Variants in PPIB observed in about 807,000 individuals in gnomAD.
PPIB encodes peptidyl-prolyl cis-trans isomerase B.
PPIB carries 15 observed loss-of-function variants against 20.1 expected under a neutral mutation model. The ratio of observed to expected loss-of-function variants is 0.75; its 90% CI spans 0.50 to 1.15. The LOEUF is 1.15. Ranked by LOEUF, PPIB falls within the 50% of genes most tolerant of loss-of-function variation. The pLI is 0.00. For missense variants in PPIB, 278 were observed against 283.0 expected (o/e 0.98, Z 0.13); for synonymous variants, 129 against 111.0 (o/e 1.16, Z -1.02).
rs1310226331 is a variant in PPIB, at chr15:64,156,989, C to T, written c.344-80G>A. 16 of 1,433,212 alleles carry T rather than the reference C, an allele frequency of 1.1e-5. No homozygotes were observed. The highest frequency in any genetic ancestry group is 1.6e-5 in the Non-Finnish European group (16 of 1,031,458). The allele number at this position is 1,433,212 out of a possible 1,614,324, so 88.8% of individuals were successfully genotyped here. A position where few individuals can be genotyped will look rare whatever the true frequency, so the allele number is the denominator to read the frequency against. ...ACATTCGGGGCCAGGACTGAGGGGG[C>T]TTAACCTGTCCTCTGTGCCAGGCTA... On this transcript the variant is annotated intron_variant, in intron 3 of 4. Transcript: ENST00000300026. This position sits in a 1 kb window ranked among gnomAD's most constrained non-coding sequence, Gnocchi z 6.4.
chr15:64,159,095 T>C lies in PPIB; in HGVS notation c.343+1009A>G, dbSNP rs552135502. On this transcript the variant is annotated intron_variant, in intron 3 of 4. Transcript: ENST00000300026. The surrounding 1 kb of genome is among the most constrained non-coding windows in gnomAD (Gnocchi z 5.1). ...CACAAATACAGTTCTTTGGTCTCCTTTGTGAGCCTGAGTCCTAAACGCTGC... is the reference window on the plus strand; with the variant it reads ...CACAAATACAGTTCTTTGGTCTCCTCTGTGAGCCTGAGTCCTAAACGCTGC... Among the ~76,000 whole-genome samples, 44 of 152,338 alleles carry C rather than the reference T, an allele frequency of 2.9e-4. No individual in the cohort carries two copies. Among genetic ancestry groups the C allele is most frequent in the Middle Eastern group, 3.4e-3 (1 of 294 alleles).
chr15:64,155,901 G>C lies in PPIB; in HGVS notation c.*122C>G. 6.9e-7 allele frequency: 1 copy of C among 1,455,726 alleles called. No homozygotes were observed. The highest frequency in any genetic ancestry group is 1.1e-5 in the South Asian group (1 of 87,548). 90.2% of individuals were successfully genotyped at this position (1,455,726 alleles called of 1,614,324 possible). ...ACAAAAGTGAGTCCATGGGCCTGTG[G>C]AATGTGAGGGGAGTGGGTCCGCTCC... On this transcript the variant is annotated 3_prime_UTR_variant, in exon 5 of 5. Transcript: ENST00000300026.
In PPIB at chr15:64,155,971, C is replaced by A; in HGVS notation, c.*52G>T. 6.2e-7 allele frequency: 1 copy of A among 1,612,928 alleles called. No individual in the cohort carries two copies. The highest frequency in any genetic ancestry group is 2.2e-5 in the East Asian group (1 of 44,876). On this transcript the variant is annotated 3_prime_UTR_variant, in exon 5 of 5. Coordinates refer to ENST00000300026, the MANE Select transcript of PPIB (RefSeq NM_000942.5). ...GCCAGTGCAGCTCAGAGCCCTGTGG[C>A]GGACTACAGGGCCTGCACAGACGGT...
chr15:64,156,659 C>T lies in PPIB; in HGVS notation c.528+66G>A. 2 of 1,587,866 alleles carry T rather than the reference C, an allele frequency of 1.3e-6. No homozygotes were observed. Among genetic ancestry groups the T allele is most frequent in the Middle Eastern group, 1.7e-4 (1 of 6,004 alleles). On this transcript the variant is annotated intron_variant, in intron 4 of 4. Transcript: ENST00000300026. The surrounding 1 kb of genome is among the most constrained non-coding windows in gnomAD (Gnocchi z 6.4). ...AAGGGATGGACACATGGAGCTCCTG[C>T]CCTGGGGTCTGTGTTGAATCCCCGG...
rs2081549338 is a variant in PPIB, at chr15:64,158,823, C to G, written c.343+1281G>C. Among the ~76,000 whole-genome samples, 1 of 152,256 alleles carries G rather than the reference C, an allele frequency of 6.6e-6. No homozygotes were observed. The highest frequency in any genetic ancestry group is 2.4e-5 in the African/African-American group (1 of 41,472). ...AAATCTTTCCTCACATCCGCAAGGT[C>G]ATTCCCCCGTTCCCTGGCCTGAGGG... is the stretch of plus-strand genomic sequence containing the variant. On this transcript the variant is annotated intron_variant, in intron 3 of 4. Transcript: ENST00000300026. This position sits in a 1 kb window ranked among gnomAD's most constrained non-coding sequence, Gnocchi z 4.7.
Position 64,156,684 on chromosome 15 carries a change from G to A in PPIB, c.528+41C>T, listed in dbSNP as rs776044392. 3 of 1,609,754 alleles carry A rather than the reference G, an allele frequency of 1.9e-6. No homozygotes were observed. The highest frequency in any genetic ancestry group is 2.2e-5 in the South Asian group (2 of 90,990). On this transcript the variant is annotated intron_variant, in intron 4 of 4. Transcript: ENST00000300026. This position sits in a 1 kb window ranked among gnomAD's most constrained non-coding sequence, Gnocchi z 6.4. ...CCCTGGGGTCTGTGTTGAATCCCCG[G>A]TGAGGATTGCCCAGTAGTAGCCCTT...
chr15:64,162,184 T>C (rs1282984715), intron 1 of PPIB, 30 bp from the exon 2 acceptor site: 1 of 1,538,608 alleles, frequency 6.5e-7, no homozygotes, highest in Admixed American at 1.7e-5. Flanking sequence ...CCAACTTAGC[T>C]TCTTTAAAGG....
Position 64,158,031 on chromosome 15 carries a change from T to A in PPIB, c.344-1122A>T, listed in dbSNP as rs1389864453. On this transcript the variant is annotated intron_variant, in intron 3 of 4. Transcript: ENST00000300026. This position sits in a 1 kb window ranked among gnomAD's most constrained non-coding sequence, Gnocchi z 4.7. Reference sequence around the variant, plus strand: ...TGTGGGATTTTGATTATAGTTGTTATCCAGAAAACCCCCAAATCTCCATCC... The same window carrying A: ...TGTGGGATTTTGATTATAGTTGTTAACCAGAAAACCCCCAAATCTCCATCC... 2.0e-5 allele frequency among the ~76,000 whole-genome samples: 3 copies of A among 152,186 alleles called. No homozygotes were observed. The highest frequency in any genetic ancestry group is 2.0e-4 in the Admixed American group (3 of 15,282).
In PPIB at chr15:64,162,205, G is replaced by C. The variant is rs28720180; in HGVS notation, c.136-51C>G. 3 of 1,338,458 alleles carry C rather than the reference G, an allele frequency of 2.2e-6. No individual in the cohort carries two copies. In the African/African-American group the frequency reaches 4.3e-5, roughly 19 times the overall value. The allele number at this position is 1,338,458 out of a possible 1,614,324, so 82.9% of individuals were successfully genotyped here. A position where few individuals can be genotyped will look rare whatever the true frequency, so the allele number is the denominator to read the frequency against. On this transcript the variant is annotated intron_variant, in intron 1 of 4. Transcript: ENST00000300026. ...TAGCTTCTTTAAAGGGGCGTTGCTA[G>C]GGGAGGGAAGGTACAAGAAGCTAAC...
At position 64,160,472 on chromosome 15, in the gene PPIB, CA is replaced by C. The variant is rs2081559088; in HGVS notation, c.250-276del. 6.6e-6 allele frequency among the ~76,000 whole-genome samples: 1 copy of C among 152,124 alleles called. No homozygotes were observed. On this transcript the variant is annotated intron_variant, in intron 2 of 4. Transcript: ENST00000300026. The surrounding 1 kb of genome is among the most constrained non-coding windows in gnomAD (Gnocchi z 4.8). ...TGCTTTTCCCCTCATTTCTTCCAATCATAAGAACAGATACAAGAAAACTGAG... is the reference window on the plus strand; with the variant it reads ...TGCTTTTCCCCTCATTTCTTCCAATCTAAGAACAGATACAAGAAAACTGAG...
chr15:64,155,892 G>GGGCCTGT lies in PPIB; in HGVS notation c.*124_*130dup. 7.3e-7 allele frequency: 1 copy of GGGCCTGT among 1,371,842 alleles called. No individual in the cohort carries two copies. Among genetic ancestry groups the GGGCCTGT allele is most frequent in the Non-Finnish European group, 1.0e-6 (1 of 971,006 alleles). The allele number at this position is 1,371,842 out of a possible 1,614,324, so 85.0% of individuals were successfully genotyped here. A position where few individuals can be genotyped will look rare whatever the true frequency, so the allele number is the denominator to read the frequency against. On this transcript the variant is annotated 3_prime_UTR_variant, in exon 5 of 5. Coordinates refer to ENST00000300026, the MANE Select transcript of PPIB (RefSeq NM_000942.5). The stretch of plus-strand genomic sequence containing the variant: ...GAGTTTGTTACAAAAGTGAGTCCAT[G>GGGCCTGT]GGCCTGTGGAATGTGAGGGGAGTGG...
In PPIB at chr15:64,162,098, G is replaced by T; in HGVS notation, c.192C>A (p.Leu64=). The change falls in exon 2 of 5, where the codon CTC becomes CTA. Residue 64 remains leucine, a synonymous_variant. Coordinates refer to ENST00000300026, the MANE Select transcript of PPIB (RefSeq NM_000942.5). ...DEDVGRVIFG[L]FGKTVPKTVD... Reference sequence around the variant, plus strand: ...CTGTTTTTGGAACAGTCTTTCCGAAGAGACCAAAGATCACCCGGCCTACAT... The same window carrying T: ...CTGTTTTTGGAACAGTCTTTCCGAATAGACCAAAGATCACCCGGCCTACAT... 6.2e-7 allele frequency: 1 copy of T among 1,614,172 alleles called. No homozygotes were observed. Among genetic ancestry groups the T allele is most frequent in the Non-Finnish European group, 8.5e-7 (1 of 1,180,018 alleles).
At position 64,156,457 on chromosome 15, in the gene PPIB, G is replaced by A; in HGVS notation, c.528+268C>T. On this transcript the variant is annotated intron_variant, in intron 4 of 4. Transcript: ENST00000300026. This position sits in a 1 kb window ranked among gnomAD's most constrained non-coding sequence, Gnocchi z 6.4. ...TTCAGCTGCACTCTGTATACCTCAG[G>A]GGTGGGACCAGCACGTCACTGAGTG... 1.6e-6 allele frequency: 1 copy of A among 617,612 alleles called. No individual in the cohort carries two copies. The allele number at this position is 617,612 out of a possible 1,614,324, so 38.3% of individuals were successfully genotyped here.
Position 64,162,028 on chromosome 15 carries a change from T to G in PPIB, c.249+13A>C, listed in dbSNP as rs1299827729. On this transcript the variant is annotated intron_variant, in intron 2 of 4. Transcript: ENST00000300026. ...CTTCATGTGAGTTGACTACCCCTGC[T>G]CCAGCCACTTACCTCTCCTGTAGCT... 2 of 1,587,562 alleles carry G rather than the reference T, an allele frequency of 1.3e-6. No individual in the cohort carries two copies. The highest frequency in any genetic ancestry group is 2.7e-5 in the African/African-American group (2 of 74,408).
Position 64,156,457 on chromosome 15 carries a change from G to T in PPIB, c.528+268C>A. The T allele has an allele frequency of 1.6e-6, 1 of 617,610 alleles. No individual in the cohort carries two copies. The highest frequency in any genetic ancestry group is 2.7e-5 in the Admixed American group (1 of 37,174). 38.3% of individuals were successfully genotyped at this position (617,610 alleles called of 1,614,324 possible). On this transcript the variant is annotated intron_variant, in intron 4 of 4. Coordinates refer to ENST00000300026, the MANE Select transcript of PPIB (RefSeq NM_000942.5). The surrounding 1 kb of genome is among the most constrained non-coding windows in gnomAD (Gnocchi z 6.4). The stretch of plus-strand genomic sequence containing the variant: ...TTCAGCTGCACTCTGTATACCTCAG[G>T]GGTGGGACCAGCACGTCACTGAGTG...
Position 64,158,106 on chromosome 15 carries a change from CATT to C in PPIB, c.344-1200_344-1198del, listed in dbSNP as rs1379769371. On this transcript the variant is annotated intron_variant, in intron 3 of 4. Transcript: ENST00000300026. This position sits in a 1 kb window ranked among gnomAD's most constrained non-coding sequence, Gnocchi z 4.7. ...TACAGGGGTTCCAAACTCAAATGGA[CATT>C]TCTATTTAAACTCAACATACCTTGT... 6.6e-6 allele frequency among the ~76,000 whole-genome samples: 1 copy of C among 152,220 alleles called. No homozygotes were observed. The highest frequency in any genetic ancestry group is 1.5e-5 in the Non-Finnish European group (1 of 68,030).
Position 64,156,481 on chromosome 15 carries a change from TGAA to T in PPIB, c.528+241_528+243del. ...GGGGTGGGACCAGCACGTCACTGAGTGAAGGAGGGGAGGGAGGCTCTGGCAGTT... is the reference window on the plus strand; with the variant it reads ...GGGGTGGGACCAGCACGTCACTGAGTGGAGGGGAGGGAGGCTCTGGCAGTT... On this transcript the variant is annotated intron_variant, in intron 4 of 4. Transcript: ENST00000300026. This position sits in a 1 kb window ranked among gnomAD's most constrained non-coding sequence, Gnocchi z 6.4. 1.6e-6 allele frequency: 1 copy of T among 626,600 alleles called. No homozygotes were observed. Among genetic ancestry groups the T allele is most frequent in the South Asian group, 1.9e-5 (1 of 53,280 alleles). The allele number at this position is 626,600 out of a possible 1,614,324, so 38.8% of individuals were successfully genotyped here.
Position 64,162,068 on chromosome 15 carries a change from A to G in PPIB, c.222T>C (p.Asp74=). 1.2e-6 allele frequency: 2 copies of G among 1,613,920 alleles called. No individual in the cohort carries two copies. The highest frequency in any genetic ancestry group is 1.6e-4 in the Middle Eastern group (1 of 6,062). The part of the protein sequence containing the change: ...LFGKTVPKTV[D]NFVALATGEK... Reference sequence around the variant, plus strand: ...CTCCTGTAGCTAAGGCCACAAAATTATCCACTGTTTTTGGAACAGTCTTTC... The same window carrying G: ...CTCCTGTAGCTAAGGCCACAAAATTGTCCACTGTTTTTGGAACAGTCTTTC... Residue 74 remains aspartate (D), a synonymous_variant, in exon 2 of 5, where the codon GAT becomes GAC. Transcript: ENST00000300026.
In PPIB at chr15:64,162,938, G is replaced by C. The variant is rs757918812; in HGVS notation, c.49C>G (p.Leu17Val). The C allele has an allele frequency of 4.3e-6, 7 of 1,613,694 alleles. No homozygotes were observed. In the Admixed American group the frequency reaches 6.7e-5, roughly 15 times the overall value. ...RNMKVLLAAA[L>V]IAGSVFFLLL... ...AGGAAGAAGACGGACCCCGCGATGA[G>C]GGCGGCGGCAAGGAGCACCTTCATG... The change falls in exon 1 of 5, where the codon CTC becomes GTC. Residue 17 changes from leucine to valine, a missense_variant. By Grantham distance (32) the Leu-to-Val change is conservative. Coordinates refer to ENST00000300026, the MANE Select transcript of PPIB (RefSeq NM_000942.5).
Sources: allele counts gnomAD v4.1 joint callset (sites outside exome capture counted in the v4.1 genomes callset), GRCh38; gene constraint gnomAD v4.1.1; non-coding constraint Gnocchi (gnomAD v3.1); transcripts MANE v1.5; gene names NCBI Gene and HGNC (gene_info 2026-07-23, HGNC 2026-07-21).